RANBP10: variants seen among roughly 807,000 people sequenced by gnomAD.
RANBP10 encodes the protein RAN binding protein 10.
Under a neutral mutation model 72.8 loss-of-function variants are expected in RANBP10, and 24 were observed. That is an observed-to-expected ratio of 0.33 (90% confidence interval 0.24 to 0.46). The LOEUF (loss-of-function observed/expected upper bound fraction) is 0.46, where lower values mean the gene tolerates loss of function less well. Among genes scored for constraint, RANBP10 ranks in the 20% least tolerant of loss-of-function variants. The pLI is 1.00. For missense variants in RANBP10, 679 were observed against 817.5 expected, an observed-to-expected ratio of 0.83 and a Z score of 2.07; for synonymous variants, 310 against 322.3, an observed-to-expected ratio of 0.96 and a Z score of 0.41.
chr16:67,757,968 C>T (rs188639190), intron 3 of RANBP10, among the ~76,000 whole-genome samples: 23 of 152,292 alleles, frequency 1.5e-4, no homozygotes, highest in Middle Eastern at 3.4e-3. Context: ...GGGGCTGACA[C>T]CAAGTGGGGC....
intron 2 of RANBP10, among the ~76,000 whole-genome samples, chr16:67,804,825 G>T (rs1391417501): frequency 6.6e-6 from 1 of 152,014 alleles, no homozygotes; most frequent in Non-Finnish European, 1.5e-5. Flanking sequence ...CACCGTGCCT[G>T]GCTCCTAATG....
chr16:67,729,597 G>T lies in RANBP10; in HGVS notation c.1147+83C>A. Reference sequence around the variant, plus strand: ...TCTCCCAAATCCAGCAGTGAGCCCTGAGCCCAGCCCAGGAAAGGGTATGTG... The same window carrying T: ...TCTCCCAAATCCAGCAGTGAGCCCTTAGCCCAGCCCAGGAAAGGGTATGTG... On this transcript the variant is annotated intron_variant, in intron 9 of 13. Coordinates refer to ENST00000317506, the MANE Select transcript of RANBP10 (RefSeq NM_020850.3). The surrounding 1 kb of genome is among the most constrained non-coding windows in gnomAD (Gnocchi z 7.1). 1 of 1,555,346 alleles carries T rather than the reference G, an allele frequency of 6.4e-7. No individual in the cohort carries two copies. Among genetic ancestry groups the T allele is most frequent in the Non-Finnish European group, 8.7e-7 (1 of 1,152,558 alleles).
intron 2 of RANBP10, among the ~76,000 whole-genome samples, chr16:67,773,705 T>C (rs949911336): frequency 1.3e-5 from 2 of 151,948 alleles, no homozygotes; most frequent in African/African-American, 4.8e-5. Flanking sequence ...GGGAAAAAGG[T>C]AGAGAAGGGA....
Position 67,729,506 on chromosome 16 carries a change from A to C in RANBP10, c.1148-22T>G. 1 of 1,604,118 alleles carries C rather than the reference A, an allele frequency of 6.2e-7. No individual in the cohort carries two copies. The highest frequency in any genetic ancestry group is 1.3e-5 in the African/African-American group (1 of 74,702). Reference sequence around the variant, plus strand: ...GCTCCTAGAAGCCAGGGTGACAGTCAGAAGAGGAGGGGCAGCTTCCCATGA... The same window carrying C: ...GCTCCTAGAAGCCAGGGTGACAGTCCGAAGAGGAGGGGCAGCTTCCCATGA... On this transcript the variant is annotated intron_variant, in intron 9 of 13. Coordinates refer to ENST00000317506, the MANE Select transcript of RANBP10 (RefSeq NM_020850.3). The surrounding 1 kb of genome is among the most constrained non-coding windows in gnomAD (Gnocchi z 7.1).
intron 3 of RANBP10, among the ~76,000 whole-genome samples, chr16:67,771,242 G>A (rs375425864): frequency 1.3e-5 from 2 of 152,162 alleles, no homozygotes; most frequent in East Asian, 3.8e-4. Flanking sequence ...GTTACAGAGT[G>A]AGACCCTGTC....
At chr16:67,764,123 G>A (rs530252157) in intron 3 of RANBP10, among the ~76,000 whole-genome samples, 2 of 152,332 alleles carry the variant, frequency 1.3e-5, no homozygotes, top group Admixed American at 1.3e-4. Flanking sequence ...ACTTCAGAGA[G>A]AAAGAGGCAG....
At chr16:67,738,174 C>T (rs1346968725) in intron 4 of RANBP10, 139 bp from the exon 5 acceptor site, 23 of 984,714 alleles carry the variant, frequency 2.3e-5, no homozygotes, top group Admixed American at 3.0e-5. Context: ...AGTCTCCCTC[C>T]GTAGCCCAGG....
At chr16:67,760,631 C>T (rs1293328783) in intron 3 of RANBP10, among the ~76,000 whole-genome samples, 1 of 152,216 alleles carries the variant, frequency 6.6e-6, no homozygotes, top group African/African-American at 2.4e-5. Context: ...TGTCCCCTAT[C>T]CCCAATCCCT....
chr16:67,803,650 CA>C (rs1184321273), intron 2 of RANBP10, among the ~76,000 whole-genome samples: 4,911 of 47,114 alleles, frequency 0.1, 282 homozygotes, highest in African/African-American at 0.28. Context: ...AACTCCGTCT[CA>C]AAAAAAAAAA....
chr16:67,785,934 G>C (rs1213693921), intron 2 of RANBP10, among the ~76,000 whole-genome samples: 2 of 151,490 alleles, frequency 1.3e-5, no homozygotes, highest in African/African-American at 4.9e-5. Flanking sequence ...GCTGAGGCAG[G>C]AGAATGGCGT....
chr16:67,765,785 G>A (rs897133820), intron 3 of RANBP10, among the ~76,000 whole-genome samples: 4 of 152,046 alleles, frequency 2.6e-5, no homozygotes, highest in Admixed American at 6.6e-5. Flanking sequence ...GCAGTGAGCC[G>A]AGATCGCGCC....
At position 67,731,469 on chromosome 16, in the gene RANBP10, T is replaced by C. The variant is rs781147110; in HGVS notation, c.889+3A>G. 4 of 1,607,658 alleles carry C rather than the reference T, an allele frequency of 2.5e-6. No homozygotes were observed. Among genetic ancestry groups the C allele is most frequent in the Admixed American group, 1.7e-5 (1 of 60,028 alleles). On this transcript the variant is annotated splice_donor_region_variant and intron_variant, in intron 7 of 13. Coordinates refer to ENST00000317506, the MANE Select transcript of RANBP10 (RefSeq NM_020850.3). ...GGAAAGGGGAAAGTAGAATAAACCTTACTTTGTCTGTTCTTTATGGACGCC... is the reference window on the plus strand; with the variant it reads ...GGAAAGGGGAAAGTAGAATAAACCTCACTTTGTCTGTTCTTTATGGACGCC...
At chr16:67,765,652 C>T (rs1394684274) in intron 3 of RANBP10, among the ~76,000 whole-genome samples, 2 of 151,724 alleles carry the variant, frequency 1.3e-5, no homozygotes, top group Non-Finnish European at 2.9e-5. Flanking sequence ...CTGGCTAACA[C>T]GGTGAGACCC....
At chr16:67,798,041 C>T (rs2055165825) in intron 2 of RANBP10, among the ~76,000 whole-genome samples, 1 of 151,030 alleles carries the variant, frequency 6.6e-6, no homozygotes, top group Admixed American at 6.6e-5. Flanking sequence ...ATCTAGACTC[C>T]AGTTCTCTTA....
rs200099998 is a variant in RANBP10 at position 67,764,924 on chromosome 16, T to C, written c.400+7110A>G. On this transcript the variant is annotated intron_variant, in intron 3 of 13. Transcript: ENST00000317506. ...GAAATCCAAAAACAGTCTAGTCCAA[T>C]AAAATGTAACGGCTATAAACTTGAA... 7.9e-5 allele frequency among the ~76,000 whole-genome samples: 12 copies of C among 152,242 alleles called. No homozygotes were observed. In the East Asian group the frequency reaches 1.9e-3, roughly 24 times the overall value.
intron 6 of RANBP10, 121 bp downstream of exon 6, chr16:67,734,737 G>A: frequency 9.4e-7 from 1 of 1,060,036 alleles, no homozygotes; most frequent in South Asian, 2.0e-5. Flanking sequence ...CCCTGGGAAT[G>A]CTTCCCAGAA....
intron 3 of RANBP10, among the ~76,000 whole-genome samples, chr16:67,757,981 G>C (rs2054321192): frequency 6.6e-6 from 1 of 152,212 alleles, no homozygotes; most frequent in Non-Finnish European, 1.5e-5. Context: ...AGTGGGGCAT[G>C]CCTTCCCATG....
intron 2 of RANBP10, among the ~76,000 whole-genome samples, chr16:67,800,212 G>A (rs755515429): frequency 6.6e-6 from 1 of 152,124 alleles, no homozygotes; most frequent in African/African-American, 2.4e-5. Context: ...ACTGCTGCCT[G>A]GCCAAAGGAA....
chr16:67,727,154 C>A (rs574465578), intron 13 of RANBP10, among the ~76,000 whole-genome samples, 173 bp downstream of exon 13: 7 of 152,182 alleles, frequency 4.6e-5, no homozygotes, highest in African/African-American at 7.2e-5. Flanking sequence ...ACTAGCCAGG[C>A]GTGGTGGCAC....
Sources: allele counts gnomAD v4.1 joint callset (sites outside exome capture counted in the v4.1 genomes callset), GRCh38; gene constraint gnomAD v4.1.1; non-coding constraint Gnocchi (gnomAD v3.1); transcripts MANE v1.5; gene names NCBI Gene and HGNC (gene_info 2026-07-23, HGNC 2026-07-21).